The following YPEL2 variants were observed in gnomAD, a reference collection of about 807,000 sequenced individuals.
YPEL2 encodes protein yippee-like 2.
A neutral mutation model predicts 19.1 loss-of-function variants in YPEL2; 2 were observed. That is an observed-to-expected ratio of 0.10 (90% CI 0.04 to 0.33). YPEL2 has a LOEUF of 0.33. Ranked by LOEUF, YPEL2 falls within the 10% of genes least tolerant of loss-of-function variation. The probability of loss-of-function intolerance (pLI) is 1.00; values close to 1 mark genes in which losing one functional copy is unlikely to be tolerated. For missense variants in YPEL2, 66 were observed against 140.7 expected (o/e 0.47, Z 2.68); for synonymous variants, 52 against 50.0 (o/e 1.04, Z -0.17).
chr17:59,361,719 G>A (rs980338701), intron 2 of YPEL2, among the ~76,000 whole-genome samples: 4 of 152,126 alleles, frequency 2.6e-5, no homozygotes, highest in African/African-American at 9.7e-5. Context: ...GGGTTTCATG[G>A]CTTTCATCAG....
At chr17:59,351,067 G>T (rs950462946) in intron 1 of YPEL2, among the ~76,000 whole-genome samples, 9 of 152,010 alleles carry the variant, frequency 5.9e-5, no homozygotes, top group Non-Finnish European at 1.2e-4. Flanking sequence ...TCCTGAAATG[G>T]AACAGGAGTA....
At chr17:59,349,590 G>C (rs2047777164) in intron 1 of YPEL2, among the ~76,000 whole-genome samples, 1 of 151,814 alleles carries the variant, frequency 6.6e-6, no homozygotes, top group Non-Finnish European at 1.5e-5. Flanking sequence ...CAAGTGATCT[G>C]CCTTGGCCTC....
chr17:59,359,858 A>G (rs2047831624), intron 2 of YPEL2, among the ~76,000 whole-genome samples: 1 of 152,182 alleles, frequency 6.6e-6, no homozygotes, highest in African/African-American at 2.4e-5. Context: ...CCTGAGCTCT[A>G]GTGGGTGCCT....
rs564661591 is a variant in YPEL2, at chr17:59,386,557, T to C, written c.118-1770T>C. 2.0e-5 allele frequency among the ~76,000 whole-genome samples: 3 copies of C among 152,148 alleles called. No homozygotes were observed. The East Asian group carries it at 5.8e-4, about 29-fold the overall frequency. On this transcript the variant is annotated intron_variant, in intron 2 of 4. Transcript: ENST00000312655. ...GGAATTGCCTGTGGTTTGGCCTGACTGGAGTGAAGGACATAATGGGGAGGT... is the reference window on the plus strand; with the variant it reads ...GGAATTGCCTGTGGTTTGGCCTGACCGGAGTGAAGGACATAATGGGGAGGT...
chr17:59,387,172 C>T (rs1393802943), intron 2 of YPEL2, among the ~76,000 whole-genome samples: 1 of 148,380 alleles, frequency 6.7e-6, no homozygotes, highest in African/African-American at 2.5e-5. Context: ...AGGCAGGACA[C>T]TCGCTTGAAC....
rs1354872229 is a variant in YPEL2, at chr17:59,399,528, ATG to A, written c.*2340_*2341del. 1 of 151,628 alleles carries A rather than the reference ATG, an allele frequency of 6.6e-6. No homozygotes were observed. Among genetic ancestry groups the A allele is most frequent in the Non-Finnish European group, 1.5e-5 (1 of 67,944 alleles). The allele number at this position is 151,628 out of a possible 1,614,324, so 9.4% of individuals were successfully genotyped here. A position where few individuals can be genotyped will look rare whatever the true frequency, so the allele number is the denominator to read the frequency against. On this transcript the variant is annotated 3_prime_UTR_variant, in exon 5 of 5. Transcript: ENST00000312655. Reference sequence around the variant, plus strand: ...GGCTCCAGTCAGACCCTGGTTCTGAATGTTTTTTTTTTCGGTGACTATCCAGT... The same window carrying A: ...GGCTCCAGTCAGACCCTGGTTCTGAATTTTTTTTTTCGGTGACTATCCAGT...
Position 59,345,412 on chromosome 17 carries a change from AATG to A in YPEL2, c.-195-7797_-195-7795del, listed in dbSNP as rs1347922257. 2.0e-5 allele frequency: 3 copies of A among 152,170 alleles called. No individual in the cohort carries two copies. The East Asian group carries it at 5.8e-4, about 29-fold the overall frequency. The allele number at this position is 152,170 out of a possible 1,614,324, so 9.4% of individuals were successfully genotyped here. Reference sequence around the variant, plus strand: ...AGTGCTGTAAAAGAGGTGTCTAGAAAATGATGATTTTCCTGTGGGCCTTGCACA... The same window carrying A: ...AGTGCTGTAAAAGAGGTGTCTAGAAAATGATTTTCCTGTGGGCCTTGCACA... On this transcript the variant is annotated intron_variant, in intron 1 of 4. Coordinates refer to ENST00000312655, the MANE Select transcript of YPEL2 (RefSeq NM_001005404.4).
intron 2 of YPEL2, among the ~76,000 whole-genome samples, chr17:59,376,417 C>A (rs932949186): frequency 2.0e-5 from 3 of 152,180 alleles, no homozygotes; most frequent in Non-Finnish European, 4.4e-5. Flanking sequence ...CGGGGTTTCA[C>A]CATTTTGGCA....
intron 2 of YPEL2, among the ~76,000 whole-genome samples, chr17:59,383,573 CAAAAAAAAAAAAAAAAAAAAAAAAA>C (rs1159710758): frequency 1.9e-4 from 5 of 26,166 alleles, no homozygotes; most frequent in African/African-American, 6.6e-4. Flanking sequence ...GACTCTGTCT[CAAAAAAAAAAAAAAAAAAAAAAAAA>C]AAAAAAAAAA....
Position 59,398,512 on chromosome 17 carries a change from A to T in YPEL2, c.*1322A>T, listed in dbSNP as rs1054536403. 1 of 152,100 alleles carries T rather than the reference A, an allele frequency of 6.6e-6. No homozygotes were observed. The highest frequency in any genetic ancestry group is 1.5e-5 in the Non-Finnish European group (1 of 68,062). 9.4% of individuals were successfully genotyped at this position (152,100 alleles called of 1,614,324 possible). On this transcript the variant is annotated 3_prime_UTR_variant, in exon 5 of 5. Transcript: ENST00000312655. The stretch of plus-strand genomic sequence containing the variant: ...AGGGAGGAGTTCTGCCCAAATTCCG[A>T]TATCACCCCTTCCCCCATCCAAGCA...
At chr17:59,383,628 A>G (rs1308252921) in intron 2 of YPEL2, among the ~76,000 whole-genome samples, 1 of 100,198 alleles carries the variant, frequency 1.0e-5, no homozygotes, top group East Asian at 3.1e-4. Context: ...ATATATATAT[A>G]TATATATATA....
At chr17:59,341,098 G>A (rs1167074364) in intron 1 of YPEL2, among the ~76,000 whole-genome samples, 1 of 144,080 alleles carries the variant, frequency 6.9e-6, no homozygotes, top group South Asian at 2.4e-4. Context: ...GCTGAGGCGG[G>A]CAGATAGCCT....
At chr17:59,365,580 G>A (rs565938787) in intron 2 of YPEL2, among the ~76,000 whole-genome samples, 1 of 152,240 alleles carries the variant, frequency 6.6e-6, no homozygotes, top group East Asian at 1.9e-4. Context: ...ACTTCGGGTG[G>A]GGGGGAATCT....
In YPEL2 at chr17:59,353,871, G is replaced by A. The variant is rs553443845; in HGVS notation, c.117+345G>A. The A allele has an allele frequency of 2.9e-6, 1 of 342,808 alleles. No homozygotes were observed. Among genetic ancestry groups the A allele is most frequent in the East Asian group, 7.8e-5 (1 of 12,838 alleles). The allele number at this position is 342,808 out of a possible 1,614,324, so 21.2% of individuals were successfully genotyped here. A position where few individuals can be genotyped will look rare whatever the true frequency, so the allele number is the denominator to read the frequency against. On this transcript the variant is annotated intron_variant, in intron 2 of 4. Coordinates refer to ENST00000312655, the MANE Select transcript of YPEL2 (RefSeq NM_001005404.4). The surrounding 1 kb of genome is among the most constrained non-coding windows in gnomAD (Gnocchi z 4.8). Reference sequence around the variant, plus strand: ...AAGAGTGAAGAGTGCTCCCTGCTCAGAAGGTGAATTCTGATAAAGCAGGGG... The same window carrying A: ...AAGAGTGAAGAGTGCTCCCTGCTCAAAAGGTGAATTCTGATAAAGCAGGGG...
chr17:59,352,197 G>A (rs2047790894), intron 1 of YPEL2, among the ~76,000 whole-genome samples: 1 of 152,170 alleles, frequency 6.6e-6, no homozygotes, highest in Non-Finnish European at 1.5e-5. Context: ...AACACTGCCT[G>A]CTCTCCTGGG....
intron 1 of YPEL2, among the ~76,000 whole-genome samples, chr17:59,345,691 T>C (rs567344851): frequency 2.0e-5 from 3 of 152,232 alleles, no homozygotes; most frequent in South Asian, 2.1e-4. Context: ...TGAGTCAACC[T>C]GGGGGACGGG....
chr17:59,393,566 G>C (rs867089507), intron 4 of YPEL2, among the ~76,000 whole-genome samples: 2 of 145,898 alleles, frequency 1.4e-5, no homozygotes, highest in South Asian at 4.4e-4. Context: ...CGCAGAGGGG[G>C]ATTTGGCAGG....
chr17:59,362,802 G>A (rs2047848030), intron 2 of YPEL2: 1 of 152,212 alleles, frequency 6.6e-6, no homozygotes, highest in Non-Finnish European at 1.5e-5. Flanking sequence ...TTCTGTTTGA[G>A]CAGTGGCACT....
chr17:59,332,536 C>T (rs1345004373), intron 1 of YPEL2, among the ~76,000 whole-genome samples: 3 of 152,130 alleles, frequency 2.0e-5, no homozygotes, highest in African/African-American at 7.2e-5. Context: ...CCCGACCTTT[C>T]GCCACTTCCA....
Sources: gnomAD v4.1 joint callset for allele counts (sites outside exome capture counted in the v4.1 genomes callset) on GRCh38, gnomAD v4.1.1 for gene constraint, Gnocchi (gnomAD v3.1) non-coding constraint, MANE v1.5 for transcripts, NCBI Gene and HGNC (gene_info 2026-07-23, HGNC 2026-07-21) for gene names.